PIK3CD: variants seen among roughly 807,000 people sequenced by gnomAD.
The protein encoded by PIK3CD is phosphatidylinositol-4,5-bisphosphate 3-kinase catalytic subunit delta.
PIK3CD carries 20 observed loss-of-function variants against 122.9 expected under a neutral mutation model. That is an observed-to-expected ratio of 0.16 (90% CI 0.11 to 0.24). The LOEUF is 0.24. PIK3CD is among the 10% of genes least tolerant of loss of function. The pLI, the probability that PIK3CD is intolerant of heterozygous loss-of-function variation, is 1.00. For synonymous variants in PIK3CD, 596 were observed against 593.4 expected, an observed-to-expected ratio of 1.00 and a Z score of -0.06; for missense variants, 787 against 1,406.3, an observed-to-expected ratio of 0.56 and a Z score of 7.04.
rs1337352852 is a variant in PIK3CD, at chr1:9,724,800, G to A, written c.2865-4G>A. ...GCCTCACTTCCTCTGTCCCCTACCT[G>A]CAGGTTCCGGGGCTACTGTGAAAGG... On this transcript the variant is annotated splice_region_variant and splice_polypyrimidine_tract_variant and intron_variant, in intron 22 of 23. Coordinates refer to ENST00000377346, the MANE Select transcript of PIK3CD (RefSeq NM_005026.5). The surrounding 1 kb of genome is among the most constrained non-coding windows in gnomAD (Gnocchi z 7.3). 7 of 1,612,710 alleles carry A rather than the reference G, an allele frequency of 4.3e-6. No homozygotes were observed. The highest frequency in any genetic ancestry group is 5.9e-6 in the Non-Finnish European group (7 of 1,180,028).
intron 1 of PIK3CD, among the ~76,000 whole-genome samples, chr1:9,681,560 G>C (rs1455733960): frequency 1.3e-5 from 2 of 151,924 alleles, no homozygotes; most frequent in East Asian, 1.9e-4. Flanking sequence ...GACTACAGGC[G>C]TGCGCCACTA....
In PIK3CD at chr1:9,722,244, C is replaced by T. The variant is rs138742347; in HGVS notation, c.2235C>T (p.Cys745=). The change falls in exon 18 of 24, where the codon TGC becomes TGT. Residue 745 remains cysteine (C), a splice_region_variant and synonymous_variant. Coordinates refer to ENST00000377346, the MANE Select transcript of PIK3CD (RefSeq NM_005026.5). This position sits in a 1 kb window ranked among gnomAD's most constrained non-coding sequence, Gnocchi z 7.6. ...LDPSTLLAEV[C]VEQCTFMDSK... Reference sequence around the variant, plus strand: ...GACTGCCCGCTCTCTGGCCTGGCAGCGTGGAGCAGTGCACCTTCATGGACT... The same window carrying T: ...GACTGCCCGCTCTCTGGCCTGGCAGTGTGGAGCAGTGCACCTTCATGGACT... The T allele has an allele frequency of 4.5e-4, 721 of 1,612,714 alleles. 8 individuals are homozygous for T. The African/African-American group carries it at 8.8e-3, about 20-fold the overall frequency.
chr1:9,694,060 A>G (rs1646307836), intron 2 of PIK3CD, among the ~76,000 whole-genome samples: 2 of 152,182 alleles, frequency 1.3e-5, no homozygotes, highest in African/African-American at 2.4e-5. Flanking sequence ...TGCATGGAGA[A>G]CGAAAGGGTC....
At chr1:9,638,523 G>A in the PIK3CD span, among the ~76,000 whole-genome samples, 2 of 151,836 alleles carry the variant, frequency 1.3e-5, no homozygotes, top group African/African-American at 4.8e-5. Flanking sequence ...ACGAGGTCAG[G>A]AGATTGAGAC....
chr1:9,671,900 G>C (rs1352647666), intron 1 of PIK3CD, among the ~76,000 whole-genome samples: 1 of 152,230 alleles, frequency 6.6e-6, no homozygotes, highest in East Asian at 1.9e-4. Context: ...TGGACTGGAA[G>C]GTATGGCAGC....
Position 9,724,699 on chromosome 1 carries a change from C to A in PIK3CD, c.2865-105C>A. ...GCCTTGTGTCCACCCATTATCAGGG[C>A]AAGGGCAGGTGTCCTTGGGGAAGGG... On this transcript the variant is annotated intron_variant, in intron 22 of 23. Transcript: ENST00000377346. This position sits in a 1 kb window ranked among gnomAD's most constrained non-coding sequence, Gnocchi z 7.3. The A allele has an allele frequency of 3.4e-6, 5 of 1,450,184 alleles. No homozygotes were observed. In the Admixed American group the frequency reaches 8.4e-5, roughly 24 times the overall value. The allele number at this position is 1,450,184 out of a possible 1,614,324, so 89.8% of individuals were successfully genotyped here. A position where few individuals can be genotyped will look rare whatever the true frequency, so the allele number is the denominator to read the frequency against.
Position 9,717,542 on chromosome 1 carries a change from C to T in PIK3CD, c.936C>T (p.Ser312=), listed in dbSNP as rs777514883. ...KPPPIPAKKP[S]SVSLWSLEQP... ...CCTGCTTCCCCGGCCCCCAGCCTTC[C>T]TCTGTGTCCCTGTGGTCCCTGGAGC... The change falls in exon 8 of 24, where the codon TCC becomes TCT. Residue 312 remains serine (S), a synonymous_variant. Coordinates refer to ENST00000377346, the MANE Select transcript of PIK3CD (RefSeq NM_005026.5). The surrounding 1 kb of genome is among the most constrained non-coding windows in gnomAD (Gnocchi z 5.4). 20 of 1,614,086 alleles carry T rather than the reference C, an allele frequency of 1.2e-5. No homozygotes were observed. In the African/African-American group the frequency reaches 2.5e-4, roughly 20 times the overall value.
upstream of PIK3CD, among the ~76,000 whole-genome samples, chr1:9,648,696 G>T (rs1481477060): frequency 6.6e-6 from 1 of 152,248 alleles, no homozygotes; most frequent in Non-Finnish European, 1.5e-5. Context: ...ATATACTAGT[G>T]TGCATTCCTG....
At chr1:9,653,976 C>T (rs1352873491) in intron 1 of PIK3CD, 3 of 1,340,964 alleles carry the variant, frequency 2.2e-6, no homozygotes, top group East Asian at 4.8e-5. Context: ...GAGGCCCAGA[C>T]GGGAGGATCA....
At chr1:9,716,253 G>A (rs1398660249) in intron 5 of PIK3CD, 175 bp downstream of exon 5, 5 of 812,768 alleles carry the variant, frequency 6.2e-6, no homozygotes, top group East Asian at 2.7e-5. Context: ...CAAGCTCAAC[G>A]TGGCAGGATA....
chr1:9,649,238 CT>C (rs112752756), upstream of PIK3CD, among the ~76,000 whole-genome samples: 3 of 150,960 alleles, frequency 2.0e-5, no homozygotes, highest in African/African-American at 4.9e-5. Flanking sequence ...CGCTCTTTTT[CT>C]TTTTTTTTCA....
At chr1:9,695,610 G>A (rs538456218) in intron 2 of PIK3CD, among the ~76,000 whole-genome samples, 1 of 152,114 alleles carries the variant, frequency 6.6e-6, no homozygotes, top group Non-Finnish European at 1.5e-5. Flanking sequence ...TTGGGAGGCC[G>A]AGGCGGGCAG....
chr1:9,724,444 A>G lies in PIK3CD; in HGVS notation c.2864+23A>G. On this transcript the variant is annotated intron_variant, in intron 22 of 23. Transcript: ENST00000377346. The surrounding 1 kb of genome is among the most constrained non-coding windows in gnomAD (Gnocchi z 7.3). ...ACGGTGAGAGTGCCTGAGCCCCACC[A>G]GATGCCCCTCGGTGTGGGGCCCCAG... is the stretch of plus-strand genomic sequence containing the variant. The G allele has an allele frequency of 6.2e-7, 1 of 1,613,796 alleles. No homozygotes were observed. The highest frequency in any genetic ancestry group is 8.5e-7 in the Non-Finnish European group (1 of 1,179,904).
chr1:9,706,589 T>G (rs1026298135), intron 2 of PIK3CD, among the ~76,000 whole-genome samples: 12 of 152,144 alleles, frequency 7.9e-5, no homozygotes, highest in Non-Finnish European at 1.3e-4. Flanking sequence ...CTGATGATAA[T>G]CTAGAAATGA....
At chr1:9,670,150 CAAAAAAAAAAAA>C (rs375500599) in intron 1 of PIK3CD, among the ~76,000 whole-genome samples, 1 of 60,310 alleles carries the variant, frequency 1.7e-5, no homozygotes, top group Admixed American at 1.7e-4. Flanking sequence ...AATTCCACCT[CAAAAAAAAAAAA>C]AAAAAAAAAA....
intron 1 of PIK3CD, chr1:9,654,222 C>T (rs548452597): frequency 8.0e-6 from 11 of 1,367,590 alleles, no homozygotes; most frequent in Admixed American, 1.9e-5. Flanking sequence ...AATTAGGGCA[C>T]GTGCCCCAGA....
intron 1 of PIK3CD, among the ~76,000 whole-genome samples, chr1:9,667,301 A>T (rs148394409): frequency 5.2e-4 from 79 of 152,310 alleles, no homozygotes; most frequent in Admixed American, 1.2e-3. Context: ...ATTGAACTCC[A>T]GCCTGGGTGA....
At position 9,728,286 on chromosome 1, in the gene PIK3CD, G is replaced by A. The variant is rs1650002109; in HGVS notation, c.*1240G>A. On this transcript the variant is annotated 3_prime_UTR_variant, in exon 24 of 24. Coordinates refer to ENST00000377346, the MANE Select transcript of PIK3CD (RefSeq NM_005026.5). ...ACTATACTTAGTTTGAAATGGTGCA[G>A]GCTTAGTCTTAAGCCTCCAAAGGCC... 1 of 152,222 alleles carries A rather than the reference G, an allele frequency of 6.6e-6. No homozygotes were observed. The highest frequency in any genetic ancestry group is 2.4e-5 in the African/African-American group (1 of 41,444). The allele number at this position is 152,222 out of a possible 1,614,324, so 9.4% of individuals were successfully genotyped here.
At chr1:9,684,555 AAAAAG>A (rs1412507314) in intron 1 of PIK3CD, among the ~76,000 whole-genome samples, 1 of 150,834 alleles carries the variant, frequency 6.6e-6, no homozygotes, top group African/African-American at 2.4e-5. Context: ...AAAAAAAAGA[AAAAAG>A]AAAGAGCAAT....
Sources: gnomAD v4.1 joint callset for allele counts (sites outside exome capture counted in the v4.1 genomes callset) on GRCh38, gnomAD v4.1.1 for gene constraint, Gnocchi (gnomAD v3.1) non-coding constraint, MANE v1.5 for transcripts, NCBI Gene and HGNC (gene_info 2026-07-23, HGNC 2026-07-21) for gene names.